ZNF585B: variants seen among roughly 807,000 people sequenced by gnomAD.
The protein encoded by ZNF585B is zinc finger protein 585B.
A neutral mutation model predicts 14.0 loss-of-function variants in ZNF585B; 7 were observed. That is an observed-to-expected ratio of 0.50 (90% CI 0.28 to 0.94). The LOEUF (loss-of-function observed/expected upper bound fraction) is 0.94. Ranked by LOEUF, ZNF585B falls within the 40% of genes least tolerant of loss-of-function variation. ZNF585B has a pLI of 0.09. For synonymous variants in ZNF585B, 290 were observed against 317.3 expected (o/e 0.91, Z 0.91); for missense variants, 750 against 924.4 (o/e 0.81, Z 2.45).
At chr19:37,207,325 A>G in intron 1 of ZNF585B, 71 bp from the exon 2 acceptor site, 2 of 1,209,668 alleles carry the variant, frequency 1.7e-6, no homozygotes, top group East Asian at 2.8e-5. Flanking sequence ...ACCAAGGTGC[A>G]GGTCCCTGCG....
At chr19:37,200,804 A>G (rs913897190) in intron 2 of ZNF585B, among the ~76,000 whole-genome samples, 2 of 151,684 alleles carry the variant, frequency 1.3e-5, no homozygotes, top group African/African-American at 4.8e-5. Context: ...AAAAGAAAAA[A>G]CAGAGGCCAG....
intron 2 of ZNF585B, 88 bp downstream of exon 2, chr19:37,206,952 G>A: frequency 1.3e-6 from 2 of 1,539,234 alleles, no homozygotes; most frequent in Non-Finnish European, 1.8e-6. Flanking sequence ...CCTAAGGCCT[G>A]TCTGCCTCTG....
chr19:37,201,514 T>A (rs1356844939), intron 2 of ZNF585B, among the ~76,000 whole-genome samples: 1 of 152,222 alleles, frequency 6.6e-6, no homozygotes, highest in African/African-American at 2.4e-5. Flanking sequence ...TGCTAAGATA[T>A]CAAATTCTAT....
intron 2 of ZNF585B, among the ~76,000 whole-genome samples, chr19:37,191,981 G>A (rs1361294486): frequency 1.3e-5 from 2 of 152,096 alleles, no homozygotes; most frequent in African/African-American, 2.4e-5. Context: ...AGTCAGCCGA[G>A]ATCATGCCAC....
At position 37,184,423 on chromosome 19, in the gene ZNF585B, A is replaced by AG. The variant is rs1972299936; in HGVS notation, c.*803_*804insC. ...AAGAAAGAAAGAAAGAAAGAGAAAG[A>AG]AAGAAAAAGAAAGAAAGAAGGAAAG... On this transcript the variant is annotated 3_prime_UTR_variant, in exon 5 of 5. Coordinates refer to ENST00000532828, the MANE Select transcript of ZNF585B (RefSeq NM_152279.4). 5 of 105,936 alleles carry AG rather than the reference A, an allele frequency of 4.7e-5. No individual in the cohort carries two copies. In the East Asian group the frequency reaches 1.2e-3, roughly 26 times the overall value. 6.6% of individuals were successfully genotyped at this position (105,936 alleles called of 1,614,324 possible). A position where few individuals can be genotyped will look rare whatever the true frequency, so the allele number is the denominator to read the frequency against.
At chr19:37,199,204 T>A in intron 2 of ZNF585B, 1 of 488,496 alleles carries the variant, frequency 2.0e-6, no homozygotes, top group Middle Eastern at 3.0e-4. Context: ...GAATAGAGCT[T>A]TACCACCTCA....
Position 37,185,797 on chromosome 19 carries a change from G to A in ZNF585B, c.1740C>T (p.Cys580=). Residue 580 remains cysteine, a synonymous_variant, in exon 5 of 5, where the codon TGC becomes TGT. Transcript: ENST00000532828. ...KIHTGEKPYV[C]TECGRAFIRK... is the part of the protein sequence containing the mutation. Reference sequence around the variant, plus strand: ...GGATGAAAGCTCTTCCACACTCAGTGCATACATAGGGTTTCTCTCCTGTAT... The same window carrying A: ...GGATGAAAGCTCTTCCACACTCAGTACATACATAGGGTTTCTCTCCTGTAT... 2 of 1,600,720 alleles carry A rather than the reference G, an allele frequency of 1.2e-6. No homozygotes were observed. Among genetic ancestry groups the A allele is most frequent in the Non-Finnish European group, 1.7e-6 (2 of 1,172,372 alleles).
chr19:37,203,854 C>G (rs1374362934), intron 2 of ZNF585B, among the ~76,000 whole-genome samples: 1 of 152,214 alleles, frequency 6.6e-6, no homozygotes, highest in Non-Finnish European at 1.5e-5. Flanking sequence ...TCTCAAACTC[C>G]CGACCTCAGG....
chr19:37,190,552 G>T, intron 2 of ZNF585B: 1 of 151,750 alleles, frequency 6.6e-6, no homozygotes, highest in Non-Finnish European at 1.4e-5. Flanking sequence ...GCATCTGGCC[G>T]TTTTTGTTTT....
At chr19:37,209,351 C>G (rs564918954) in intron 1 of ZNF585B, among the ~76,000 whole-genome samples, 12 of 152,252 alleles carry the variant, frequency 7.9e-5, no homozygotes, top group African/African-American at 2.9e-4. Context: ...GATCTGCCCA[C>G]CTTGGCCACC....
chr19:37,194,263 C>G (rs1411661503), intron 2 of ZNF585B, among the ~76,000 whole-genome samples: 3 of 152,048 alleles, frequency 2.0e-5, no homozygotes, highest in African/African-American at 7.2e-5. Flanking sequence ...AATAAAAAAT[C>G]TAATTTGGAA....
At position 37,184,422 on chromosome 19, in the gene ZNF585B, GAAAGAAAAAGAAAGAAA is replaced by G. The variant is rs1972299879; in HGVS notation, c.*788_*804del. 2 of 74,874 alleles carry G rather than the reference GAAAGAAAAAGAAAGAAA, an allele frequency of 2.7e-5. No homozygotes were observed. Among genetic ancestry groups the G allele is most frequent in the African/African-American group, 1.3e-4 (2 of 15,644 alleles). 4.6% of individuals were successfully genotyped at this position (74,874 alleles called of 1,614,324 possible). On this transcript the variant is annotated 3_prime_UTR_variant, in exon 5 of 5. Coordinates refer to ENST00000532828, the MANE Select transcript of ZNF585B (RefSeq NM_152279.4). ...AAAGAAAGAAAGAAAGAAAGAGAAA[GAAAGAAAAAGAAAGAAA>G]GAAGGAAAGAAAGAAAGAAAGAAAG...
intron 2 of ZNF585B, among the ~76,000 whole-genome samples, chr19:37,196,367 A>G (rs889211905): frequency 2.0e-5 from 3 of 152,200 alleles, no homozygotes; most frequent in Admixed American, 2.0e-4. Flanking sequence ...ATATACTCCT[A>G]AAGAAAGATT....
intron 4 of ZNF585B, among the ~76,000 whole-genome samples, chr19:37,188,480 C>T (rs1338246495): frequency 6.6e-6 from 1 of 151,768 alleles, no homozygotes; most frequent in Admixed American, 6.6e-5. Context: ...GAGTGAAACT[C>T]CGTCTCAAAA....
At position 37,184,412 on chromosome 19, in the gene ZNF585B, GAAAGAGAAAGAAAGAAAAAGAAA is replaced by G; in HGVS notation, c.*792_*814del. On this transcript the variant is annotated 3_prime_UTR_variant, in exon 5 of 5. Coordinates refer to ENST00000532828, the MANE Select transcript of ZNF585B (RefSeq NM_152279.4). ...AGAAAGAAAGAAAGAAAGAAAGAAA[GAAAGAGAAAGAAAGAAAAAGAAA>G]GAAAGAAGGAAAGAAAGAAAGAAAG... 2.3e-5 allele frequency: 1 copy of G among 43,804 alleles called. No homozygotes were observed. Among genetic ancestry groups the G allele is most frequent in the African/African-American group, 9.5e-5 (1 of 10,546 alleles). 2.7% of individuals were successfully genotyped at this position (43,804 alleles called of 1,614,324 possible).
At chr19:37,208,781 C>T (rs1460161653) in intron 1 of ZNF585B, among the ~76,000 whole-genome samples, 1 of 152,066 alleles carries the variant, frequency 6.6e-6, no homozygotes, top group Non-Finnish European at 1.5e-5. Context: ...CACTTGAGGC[C>T]AGGAGTTCGA....
rs1972317669 is a variant in ZNF585B, at chr19:37,185,148, T to C, written c.*79A>G. The C allele has an allele frequency of 2.0e-6, 3 of 1,474,762 alleles. No homozygotes were observed. The highest frequency in any genetic ancestry group is 2.2e-5 in the Admixed American group (1 of 45,950). 91.4% of individuals were successfully genotyped at this position (1,474,762 alleles called of 1,614,324 possible). ...GTGGTCATTTCTATTTACAATAATA[T>C]ACATATTTTTCTGCTGCATGCGTGC... On this transcript the variant is annotated 3_prime_UTR_variant, in exon 5 of 5. Coordinates refer to ENST00000532828, the MANE Select transcript of ZNF585B (RefSeq NM_152279.4).
chr19:37,198,693 G>A (rs139986680), intron 2 of ZNF585B, among the ~76,000 whole-genome samples: 5,952 of 149,656 alleles, frequency 0.04, 160 homozygotes, highest in East Asian at 0.073. Flanking sequence ...CCGAGATTGC[G>A]CCATTGCACT....
chr19:37,190,240 T>C, intron 2 of ZNF585B, 90 bp from the exon 3 acceptor site: 2 of 1,549,976 alleles, frequency 1.3e-6, no homozygotes, highest in South Asian at 2.4e-5. Flanking sequence ...GGTTTTGTTG[T>C]TTTTAATTTA....
Sources: allele counts gnomAD v4.1 joint callset (sites outside exome capture counted in the v4.1 genomes callset), GRCh38; gene constraint gnomAD v4.1.1; transcripts MANE v1.5; gene names NCBI Gene and HGNC (gene_info 2026-07-23, HGNC 2026-07-21).